The following TSNARE1 variants were observed in gnomAD, a reference collection of about 807,000 sequenced individuals.
TSNARE1 encodes t-SNARE domain containing 1, also known as t-SNARE domain-containing protein 1.
In TSNARE1, 49 loss-of-function variants were observed where a neutral mutation model predicts 62.0. That is an observed-to-expected ratio of 0.79 (90% CI 0.63 to 1.00). The LOEUF (loss-of-function observed/expected upper bound fraction) is 1.00, where lower values mean the gene tolerates loss of function less well. Ranked by LOEUF, TSNARE1 falls within the 50% of genes least tolerant of loss-of-function variation. TSNARE1 has a pLI of 0.00. For synonymous variants in TSNARE1, 328 were observed against 294.4 expected (o/e 1.11, Z -1.17); for missense variants, 755 against 700.1 (o/e 1.08, Z -0.88).
chr8:142,365,600 A>ATG (rs1554674578), intron 1 of TSNARE1, among the ~76,000 whole-genome samples: 15 of 125,384 alleles, frequency 1.2e-4, no homozygotes, highest in South Asian at 2.6e-4. Flanking sequence ...ACACATGCAC[A>ATG]CGCACACACA....
chr8:142,279,119 T>C (rs1820979491), intron 11 of TSNARE1, among the ~76,000 whole-genome samples: 1 of 148,316 alleles, frequency 6.7e-6, no homozygotes, highest in Non-Finnish European at 1.5e-5. Context: ...CAGACACCCC[T>C]GTCTTCAGAC....
rs999570716 is a variant in TSNARE1 at position 142,304,919 on chromosome 8, G to T, written c.1132-4275C>A. Reference sequence around the variant, plus strand: ...GCCAGCGGTGACAGGCCCTACAACAGCCCCACTGACTGGGGTCCCGTGGCC... The same window carrying T: ...GCCAGCGGTGACAGGCCCTACAACATCCCCACTGACTGGGGTCCCGTGGCC... On this transcript the variant is annotated intron_variant, in intron 9 of 13. Transcript: ENST00000524325. Among the ~76,000 whole-genome samples the T allele has an allele frequency of 2.6e-5, 4 of 152,324 alleles. No homozygotes were observed. The East Asian group carries it at 7.7e-4, about 29-fold the overall frequency.
At chr8:142,315,649 G>A (rs117866299) in intron 7 of TSNARE1, among the ~76,000 whole-genome samples, 2,982 of 152,342 alleles carry the variant, frequency 0.02, 35 homozygotes, top group East Asian at 0.039. Context: ...GCACGGAGCC[G>A]GGGTGGGGCT....
chr8:142,230,991 C>A (rs1447652643), intron 12 of TSNARE1, among the ~76,000 whole-genome samples: 1 of 151,496 alleles, frequency 6.6e-6, no homozygotes. Flanking sequence ...ATCCATTCAA[C>A]CATCCATCCA....
At chr8:142,216,832 G>A (rs189071570) in intron 13 of TSNARE1, among the ~76,000 whole-genome samples, 208 of 152,278 alleles carry the variant, frequency 1.4e-3, no homozygotes, top group Middle Eastern at 0.01. Flanking sequence ...AATCTGCCTC[G>A]GACATCCCTG....
intron 11 of TSNARE1, chr8:142,280,435 G>A (rs1454652706): frequency 5.5e-5 from 33 of 597,564 alleles, no homozygotes; most frequent in South Asian, 7.3e-5. Flanking sequence ...GCCAGGCCTC[G>A]CATCGGCACC....
At chr8:142,238,726 C>G (rs1435710164) in intron 12 of TSNARE1, among the ~76,000 whole-genome samples, 1 of 150,418 alleles carries the variant, frequency 6.6e-6, no homozygotes, top group African/African-American at 2.4e-5. Context: ...CCCCTGCACA[C>G]CCGCCCCTGC....
At chr8:142,266,455 C>T (rs78968951) in intron 12 of TSNARE1, among the ~76,000 whole-genome samples, 487 of 152,276 alleles carry the variant, frequency 3.2e-3, no homozygotes, top group South Asian at 0.013. Flanking sequence ...GATAGAATGT[C>T]TGTATTTTGC....
intron 6 of TSNARE1, among the ~76,000 whole-genome samples, chr8:142,327,544 C>A (rs928687677): frequency 2.0e-5 from 3 of 152,214 alleles, no homozygotes; most frequent in Non-Finnish European, 4.4e-5. Context: ...CCCTCTCTGG[C>A]CCCCTCACAG....
At chr8:142,294,299 C>T (rs79291814) in intron 10 of TSNARE1, among the ~76,000 whole-genome samples, 2,958 of 152,190 alleles carry the variant, frequency 0.019, 34 homozygotes, top group East Asian at 0.04. Context: ...CTCGCTAACA[C>T]CTGGGGAAAC....
At chr8:142,294,460 G>A (rs1441718731) in intron 10 of TSNARE1, among the ~76,000 whole-genome samples, 1 of 152,220 alleles carries the variant, frequency 6.6e-6, no homozygotes, top group Admixed American at 6.5e-5. Context: ...GGAGACCAGG[G>A]CTCAGAGAGT....
At position 142,358,744 on chromosome 8, in the gene TSNARE1, T is replaced by C. The variant is rs146896493; in HGVS notation, c.-39-3981A>G. On this transcript the variant is annotated intron_variant, in intron 1 of 13. Coordinates refer to ENST00000524325, the MANE Select transcript of TSNARE1 (RefSeq NM_145003.5). ...CACGGCCCCGCCCAGCAAGCCACTC[T>C]GGGCCCCTGGGGACACCTGGAATCC... 6.3e-3 allele frequency among the ~76,000 whole-genome samples: 953 copies of C among 150,604 alleles called. 12 individuals are homozygous for C. The highest frequency in any genetic ancestry group is 0.022 in the African/African-American group (915 of 40,836).
intron 12 of TSNARE1, among the ~76,000 whole-genome samples, chr8:142,243,179 G>A (rs532622472): frequency 5.1e-4 from 77 of 152,232 alleles, no homozygotes; most frequent in African/African-American, 1.8e-3. Context: ...AGCCATCATG[G>A]AAAACAGTAC....
At position 142,375,142 on chromosome 8, in the gene TSNARE1, C is replaced by T. The variant is rs151306569; in HGVS notation, c.-39-20379G>A. On this transcript the variant is annotated intron_variant, in intron 1 of 13. Coordinates refer to ENST00000524325, the MANE Select transcript of TSNARE1 (RefSeq NM_145003.5). Reference sequence around the variant, plus strand: ...GTCACAGTACACTCCAAGCCTGCCACGTGCCGGTCCTGTCCTAAACACTGG... The same window carrying T: ...GTCACAGTACACTCCAAGCCTGCCATGTGCCGGTCCTGTCCTAAACACTGG... Among the ~76,000 whole-genome samples, 344 of 152,372 alleles carry T rather than the reference C, an allele frequency of 2.3e-3. 2 individuals are homozygous for T. Among genetic ancestry groups the T allele is most frequent in the African/African-American group, 7.8e-3 (324 of 41,586 alleles).
In TSNARE1 at chr8:142,344,305, G is replaced by C. The variant is rs1365458535; in HGVS notation, c.406C>G (p.Leu136Val). The change falls in exon 4 of 14, where the codon CTG becomes GTG. Residue 136 changes from leucine (L) to valine (V), a missense_variant. Transcript: ENST00000524325. ...TGGTGCTTGCTCACCTTGGACACCA[G>C]CACCTCGGTCTCCTGCGGGCAGAAG... ...PNFCPQETEV[L>V]VSKVSKHHQL... 6.3e-7 allele frequency: 1 copy of C among 1,596,016 alleles called. No homozygotes were observed. Among genetic ancestry groups the C allele is most frequent in the South Asian group, 1.1e-5 (1 of 89,680 alleles).
At chr8:142,258,047 G>A (rs1818673458) in intron 12 of TSNARE1, among the ~76,000 whole-genome samples, 2 of 151,976 alleles carry the variant, frequency 1.3e-5, no homozygotes, top group African/African-American at 4.8e-5. Flanking sequence ...ATGCACTTGT[G>A]CTCACACATG....
intron 11 of TSNARE1, chr8:142,278,230 C>G (rs9886385): frequency 2.0e-6 from 2 of 985,370 alleles, no homozygotes; most frequent in East Asian, 2.3e-4. Context: ...GGTCTACATG[C>G]GTCTCCCAAC....
chr8:142,314,819 T>C (rs1303369840), intron 8 of TSNARE1, among the ~76,000 whole-genome samples, 184 bp downstream of exon 8: 2 of 152,238 alleles, frequency 1.3e-5, no homozygotes, highest in Admixed American at 6.5e-5. Context: ...CTAGGACACA[T>C]GCCCTGAGGC....
chr8:142,369,286 C>G (rs1000080878), intron 1 of TSNARE1, among the ~76,000 whole-genome samples: 14 of 152,214 alleles, frequency 9.2e-5, no homozygotes, highest in African/African-American at 2.9e-4. Context: ...AGGGTAAAAA[C>G]AGCAGCAACA....
Sources: allele counts gnomAD v4.1 joint callset (sites outside exome capture counted in the v4.1 genomes callset), GRCh38; gene constraint gnomAD v4.1.1; transcripts MANE v1.5; gene names NCBI Gene and HGNC (gene_info 2026-07-23, HGNC 2026-07-21).